Variants in TEP1 observed in about 807,000 individuals in gnomAD.
TEP1 encodes the protein telomerase associated protein 1.
In TEP1, 241 loss-of-function variants were observed where a neutral mutation model predicts 306.3. The ratio of observed to expected loss-of-function variants is 0.79; its 90% CI spans 0.71 to 0.88. The LOEUF (loss-of-function observed/expected upper bound fraction) is 0.88, where lower values mean the gene tolerates loss of function less well. Among genes scored for constraint, TEP1 ranks in the 40% least tolerant of loss-of-function variants. The pLI is 0.00. For missense variants in TEP1, 3,051 were observed against 3,276.1 expected, an observed-to-expected ratio of 0.93 and a Z score of 1.68; for synonymous variants, 1,289 against 1,305.5, an observed-to-expected ratio of 0.99 and a Z score of 0.27.
chr14:20,389,445 G>C (rs1002824934), intron 16 of TEP1, 148 bp from the exon 17 acceptor site: 4 of 1,413,482 alleles, frequency 2.8e-6, no homozygotes, highest in Non-Finnish European at 3.9e-6. Context: ...TCTCACAGAG[G>C]GGTACAGAGT....
chr14:20,399,563 A>ACAGTGGCTT (rs1878487021), intron 9 of TEP1, among the ~76,000 whole-genome samples: 1 of 148,330 alleles, frequency 6.7e-6, no homozygotes, highest in Non-Finnish European at 1.5e-5. Flanking sequence ...TTGGCTGGGC[A>ACAGTGGCTT]CAGTGGCTTA....
Position 20,386,673 on chromosome 14 carries a change from C to G in TEP1, c.2685-50G>C, listed in dbSNP as rs74348618. 2.2e-3 allele frequency: 3,337 copies of G among 1,506,308 alleles called. 57 individuals are homozygous for G. In the African/African-American group the frequency reaches 0.039, roughly 17 times the overall value. The allele number at this position is 1,506,308 out of a possible 1,614,324, so 93.3% of individuals were successfully genotyped here. A position where few individuals can be genotyped will look rare whatever the true frequency, so the allele number is the denominator to read the frequency against. On this transcript the variant is annotated intron_variant, in intron 18 of 54. Coordinates refer to ENST00000262715, the MANE Select transcript of TEP1 (RefSeq NM_007110.5). ...TCAGTCTAGGGATGATTCCCACCCC[C>G]CATCCATAGACACTGCTGTGATCAC...
In TEP1 at chr14:20,403,273, C is replaced by T. The variant is rs549635276; in HGVS notation, c.1266+104G>A. On this transcript the variant is annotated intron_variant, in intron 7 of 54. Coordinates refer to ENST00000262715, the MANE Select transcript of TEP1 (RefSeq NM_007110.5). ...CTTACCCACAATCACAGCCAAGAATCCCCAGGAAGAAAGTATTTTCAACCC... is the reference window on the plus strand; with the variant it reads ...CTTACCCACAATCACAGCCAAGAATTCCCAGGAAGAAAGTATTTTCAACCC... The T allele has an allele frequency of 1.3e-3, 1,874 of 1,423,326 alleles. 1 individual carries two copies. The highest frequency in any genetic ancestry group is 1.7e-3 in the Non-Finnish European group (1,756 of 1,042,824). 88.2% of individuals were successfully genotyped at this position (1,423,326 alleles called of 1,614,324 possible). A position where few individuals can be genotyped will look rare whatever the true frequency, so the allele number is the denominator to read the frequency against.
chr14:20,410,267 C>T lies in TEP1; in HGVS notation c.-24-1804G>A, dbSNP rs190100327. Among the ~76,000 whole-genome samples the T allele has an allele frequency of 5.5e-4, 84 of 152,122 alleles. 1 individual carries two copies. The South Asian group carries it at 6.6e-3, about 12-fold the overall frequency. ...CTCCTACCACCACCTTTGTTGAAACCCTCTAATCCATGTGGTGACATACTG... is the reference window on the plus strand; with the variant it reads ...CTCCTACCACCACCTTTGTTGAAACTCTCTAATCCATGTGGTGACATACTG... On this transcript the variant is annotated intron_variant, in intron 1 of 54. Transcript: ENST00000262715.
At chr14:20,400,180 C>A (rs750222612) in intron 9 of TEP1, among the ~76,000 whole-genome samples, 1 of 149,796 alleles carries the variant, frequency 6.7e-6, no homozygotes. Flanking sequence ...CTACATATAC[C>A]GGCTTCTATC....
rs1452155117 is a variant in TEP1 at position 20,385,091 on chromosome 14, C to T, written c.3001G>A (p.Gly1001Arg). The change falls in exon 21 of 55, where the codon GGG (glycine) becomes AGG (arginine). Residue 1001 changes from glycine (G) to arginine (R), a missense_variant. Physicochemically the swap from Gly to Arg is moderately radical, Grantham distance 125 (BLOSUM62 -2). Transcript: ENST00000262715. The stretch of plus-strand genomic sequence containing the variant: ...ACCTCCATCTCTGTCACAGAGCGCC[C>T]TGAAGGGTACTGCTGGGCCTGCGGG... ...HFHWAQQYPS[G>R]RSVTEMEVMQ... 2.5e-6 allele frequency: 4 copies of T among 1,614,004 alleles called. No homozygotes were observed. In the Admixed American group the frequency reaches 6.7e-5, roughly 27 times the overall value.
rs778962869 is a variant in TEP1, at chr14:20,390,924, G to A, written c.2256+14C>T. 1.1e-5 allele frequency: 18 copies of A among 1,613,900 alleles called. No individual in the cohort carries two copies. Among genetic ancestry groups the A allele is most frequent in the Middle Eastern group, 1.6e-4 (1 of 6,084 alleles). ...CTTCATGTATTTTTGGATGGTGGGTGTTGAGTGTCTGACCTGGACTTGAGC... is the reference window on the plus strand; with the variant it reads ...CTTCATGTATTTTTGGATGGTGGGTATTGAGTGTCTGACCTGGACTTGAGC... On this transcript the variant is annotated intron_variant, in intron 14 of 54. Transcript: ENST00000262715.
intron 14 of TEP1, 71 bp from the exon 15 acceptor site, chr14:20,390,829 TG>T: frequency 6.2e-7 from 1 of 1,613,218 alleles, no homozygotes; most frequent in Non-Finnish European, 8.5e-7. Context: ...GCAGTCTGCT[TG>T]GGAAATCTTC....
chr14:20,405,661 T>C, intron 3 of TEP1, 76 bp from the exon 4 acceptor site: 1 of 1,543,290 alleles, frequency 6.5e-7, no homozygotes, highest in Non-Finnish European at 8.8e-7. Flanking sequence ...CAGACTAACT[T>C]ACAAAGTCAA....
chr14:20,374,518 C>T lies in TEP1; in HGVS notation c.6382G>A (p.Gly2128Ser), dbSNP rs578196223. The T allele has an allele frequency of 3.8e-5, 61 of 1,613,026 alleles. 1 individual carries two copies. The South Asian group carries it at 6.5e-4, about 17-fold the overall frequency. The change falls in exon 44 of 55, where the codon GGC becomes AGC. Residue 2128 changes from glycine (G) to serine (S), a missense_variant. Coordinates refer to ENST00000262715, the MANE Select transcript of TEP1 (RefSeq NM_007110.5). ...DNLLISCSSD[G>S]SVGLWDPESG... Reference sequence around the variant, plus strand: ...TCTGGGTCCCAGAGCCCCACAGAGCCATCACTGGAGCAGGATATCTACAGA... The same window carrying T: ...TCTGGGTCCCAGAGCCCCACAGAGCTATCACTGGAGCAGGATATCTACAGA...
chr14:20,390,525 G>A (rs1877607624), intron 15 of TEP1, among the ~76,000 whole-genome samples, 156 bp downstream of exon 15: 1 of 152,206 alleles, frequency 6.6e-6, no homozygotes, highest in Non-Finnish European at 1.5e-5. Flanking sequence ...TAGATATTCA[G>A]CAGCACACCA....
Position 20,377,770 on chromosome 14 carries a change from G to A in TEP1, c.5722-17C>T. ...CACCTGAACCTGGGAACCAAGAAAA[G>A]GGCTTAAGGATACCACCTCCACCAC... is the stretch of plus-strand genomic sequence containing the variant. On this transcript the variant is annotated splice_polypyrimidine_tract_variant and intron_variant, in intron 39 of 54. Coordinates refer to ENST00000262715, the MANE Select transcript of TEP1 (RefSeq NM_007110.5). 3 of 1,611,794 alleles carry A rather than the reference G, an allele frequency of 1.9e-6. No homozygotes were observed. The highest frequency in any genetic ancestry group is 2.2e-5 in the South Asian group (2 of 90,986).
chr14:20,389,717 G>A lies in TEP1; in HGVS notation c.2358C>T (p.Gly786=). ...RVPVDRVILL[G]QSMDDGMINV... ...TTATCATTCCATCATCCATGCTTTG[G>A]CCAAGGAGGATGACCCTGTCCACCT... The change falls in exon 16 of 55, where the codon GGC becomes GGT. Residue 786 remains glycine (G), a synonymous_variant. Transcript: ENST00000262715. The A allele has an allele frequency of 6.2e-7, 1 of 1,614,204 alleles. No homozygotes were observed. The highest frequency in any genetic ancestry group is 8.5e-7 in the Non-Finnish European group (1 of 1,180,030).
rs1374016428 is a variant in TEP1, at chr14:20,395,848, G to A, written c.1750+11C>T. 6.2e-7 allele frequency: 1 copy of A among 1,611,966 alleles called. No homozygotes were observed. The highest frequency in any genetic ancestry group is 1.7e-5 in the Admixed American group (1 of 59,798). ...GGAGGCAAAGAGGAGTTGGAAGAAA[G>A]GGGAGAATACCTTGATTTCTGAGTT... On this transcript the variant is annotated intron_variant, in intron 11 of 54. Coordinates refer to ENST00000262715, the MANE Select transcript of TEP1 (RefSeq NM_007110.5).
rs757300276 is a variant in TEP1 at position 20,395,950 on chromosome 14, C to A, written c.1660-1G>T. On this transcript the variant is annotated splice_acceptor_variant, in intron 10 of 54. Transcript: ENST00000262715. LOFTEE classifies it high-confidence loss of function. ...ACTGCCGACTGTGGATCACCGACTT[C>A]TAGAAAGCAAAGGAGGGAGGGGTCA... The A allele has an allele frequency of 1.2e-6, 2 of 1,613,740 alleles. No homozygotes were observed. Among genetic ancestry groups the A allele is most frequent in the Non-Finnish European group, 1.7e-6 (2 of 1,179,900 alleles).
chr14:20,398,476 C>T (rs1425463906), intron 9 of TEP1, among the ~76,000 whole-genome samples: 1 of 149,596 alleles, frequency 6.7e-6, no homozygotes, highest in Non-Finnish European at 1.5e-5. Flanking sequence ...AGATAAATTG[C>T]TATAAGTCAA....
At chr14:20,373,948 TGGGTGGCTCAGGACAGTGGGGTC>T (rs1332628328) in intron 44 of TEP1, 138 bp from the exon 45 acceptor site, 21 of 1,207,668 alleles carry the variant, frequency 1.7e-5, no homozygotes, top group Admixed American at 2.4e-5. Flanking sequence ...ACAGTGGGGT[TGGGTGGCTCAGGACAGTGGGGTC>T]GGGTGGCTCA....
intron 51 of TEP1, 115 bp from the exon 52 acceptor site, chr14:20,369,894 A>T: frequency 1.4e-6 from 1 of 714,366 alleles, no homozygotes; most frequent in South Asian, 1.9e-5. Context: ...TTTAACTACA[A>T]CTTAGATACA....
chr14:20,387,848 C>A (rs1010057469), intron 18 of TEP1, 57 bp downstream of exon 18: 3 of 1,539,228 alleles, frequency 1.9e-6, no homozygotes, highest in East Asian at 4.7e-5. Flanking sequence ...CCCAGGGTTT[C>A]CCAAGGTTTG....
Sources: gnomAD v4.1 joint callset for allele counts (sites outside exome capture counted in the v4.1 genomes callset) on GRCh38, gnomAD v4.1.1 for gene constraint, MANE v1.5 for transcripts, NCBI Gene and HGNC (gene_info 2026-07-23, HGNC 2026-07-21) for gene names.